SOCS2: variants seen among roughly 807,000 people sequenced by gnomAD.
The protein encoded by SOCS2 is suppressor of cytokine signaling 2, also known as CIS-2.
A neutral mutation model predicts 18.6 loss-of-function variants in SOCS2; 10 were observed. The observed-to-expected ratio is 0.54, with a 90% CI of 0.33 to 0.91. The LOEUF (loss-of-function observed/expected upper bound fraction) is 0.91. Ranked by LOEUF, SOCS2 falls within the 40% of genes least tolerant of loss-of-function variation. The pLI is 0.02. For synonymous variants in SOCS2, 104 were observed against 104.0 expected, an observed-to-expected ratio of 1.00 and a Z score of 0.00; for missense variants, 231 against 247.2, an observed-to-expected ratio of 0.93 and a Z score of 0.44.
intron 1 of SOCS2, chr12:93,573,338 G>T (rs1954330910): frequency 4.0e-6 from 2 of 500,316 alleles, no homozygotes; most frequent in Non-Finnish European, 3.5e-6. Context: ...TCCCGGGCTC[G>T]AACCCCGGCC....
chr12:93,586,855 G>T (rs758912208), downstream of SOCS2, among the ~76,000 whole-genome samples: 1 of 152,058 alleles, frequency 6.6e-6, no homozygotes, highest in South Asian at 2.1e-4. Context: ...ATGAAGCAAG[G>T]TTCTGAGGAA....
chr12:93,572,851 C>A lies in SOCS2; in HGVS notation c.-47C>A. ...AGGAAGGACGCGAACCCTTCTCTGACCCCAGCTCGGGCGGCCACCTGTCTT... is the reference window on the plus strand; with the variant it reads ...AGGAAGGACGCGAACCCTTCTCTGAACCCAGCTCGGGCGGCCACCTGTCTT... On this transcript the variant is annotated 5_prime_UTR_variant, in exon 1 of 2. Coordinates refer to ENST00000551556, the MANE Select transcript of SOCS2 (RefSeq NM_001270471.2). This position sits in a 1 kb window ranked among gnomAD's most constrained non-coding sequence, Gnocchi z 5.0. 2 of 1,556,098 alleles carry A rather than the reference C, an allele frequency of 1.3e-6. No individual in the cohort carries two copies. The highest frequency in any genetic ancestry group is 1.7e-6 in the Non-Finnish European group (2 of 1,149,446).
downstream of SOCS2, among the ~76,000 whole-genome samples, chr12:93,580,632 A>T (rs1954525645): frequency 6.6e-6 from 1 of 151,650 alleles, no homozygotes; most frequent in African/African-American, 2.4e-5. Flanking sequence ...AAAAAAAAAA[A>T]AAAAAAAAGA....
chr12:93,579,291 G>T (rs1003251743), downstream of SOCS2, among the ~76,000 whole-genome samples: 2 of 152,120 alleles, frequency 1.3e-5, no homozygotes, highest in South Asian at 2.1e-4. Flanking sequence ...CTTTCTGGCC[G>T]CATGATACTC....
chr12:93,593,817 C>T, the SOCS2 span, among the ~76,000 whole-genome samples: 1 of 152,134 alleles, frequency 6.6e-6, no homozygotes, highest in Non-Finnish European at 1.5e-5. Flanking sequence ...TCAAACCGAA[C>T]CACGCTAAAA....
At chr12:93,597,137 A>T in the SOCS2 span, among the ~76,000 whole-genome samples, 1 of 152,164 alleles carries the variant, frequency 6.6e-6, no homozygotes, top group African/African-American at 2.4e-5. Flanking sequence ...CAGAAAACTG[A>T]TCTTGGTATA....
At chr12:93,573,231 G>T in intron 1 of SOCS2, 195 bp downstream of exon 1, 1 of 685,058 alleles carries the variant, frequency 1.5e-6, no homozygotes. Flanking sequence ...CAGGGACTCA[G>T]GCCTGGCGGA....
the SOCS2 span, among the ~76,000 whole-genome samples, chr12:93,601,002 G>C: frequency 6.6e-6 from 1 of 151,490 alleles, no homozygotes; most frequent in Non-Finnish European, 1.5e-5. Flanking sequence ...AATTGCCCAA[G>C]CTGGCCTTGA....
intron 1 of SOCS2, 51 bp from the exon 2 acceptor site, chr12:93,574,671 A>G (rs755175668): frequency 1.3e-5 from 17 of 1,311,454 alleles, no homozygotes; most frequent in Non-Finnish European, 1.8e-5. Context: ...AAGAATTCTT[A>G]TAATAACTGT....
chr12:93,618,794 C>G, the SOCS2 span, among the ~76,000 whole-genome samples: 1 of 152,102 alleles, frequency 6.6e-6, no homozygotes, highest in Non-Finnish European at 1.5e-5. Context: ...GGTTGTTTAC[C>G]AGAACATAAG....
At chr12:93,573,953 A>C (rs1188568351) in intron 1 of SOCS2, 1 of 152,302 alleles carries the variant, frequency 6.6e-6, no homozygotes, top group Non-Finnish European at 1.5e-5. Context: ...TGGTGCAGGC[A>C]GATGAAATCA....
chr12:93,610,246 A>G, the SOCS2 span, among the ~76,000 whole-genome samples: 1 of 152,242 alleles, frequency 6.6e-6, no homozygotes, highest in Admixed American at 6.5e-5. Flanking sequence ...CAACCAAGTC[A>G]TCTCAGATTG....
At chr12:93,619,925 TTATAGCAACTGTTATA>T in the SOCS2 span, among the ~76,000 whole-genome samples, 1 of 152,228 alleles carries the variant, frequency 6.6e-6, no homozygotes, top group Non-Finnish European at 1.5e-5. Context: ...CTTCTGGATA[TTATAGCAACTGTTATA>T]TATCTTCACG....
the SOCS2 span, among the ~76,000 whole-genome samples, chr12:93,613,129 G>A: frequency 6.6e-6 from 1 of 152,192 alleles, no homozygotes; most frequent in East Asian, 1.9e-4. Flanking sequence ...AAGGAACAGA[G>A]GAAGCCAATA....
Position 93,575,458 on chromosome 12 carries a change from G to T in SOCS2, c.*279G>T, listed in dbSNP as rs184818381. 1 of 188,670 alleles carries T rather than the reference G, an allele frequency of 5.3e-6. No homozygotes were observed. Among genetic ancestry groups the T allele is most frequent in the Non-Finnish European group, 1.1e-5 (1 of 91,030 alleles). 11.7% of individuals were successfully genotyped at this position (188,670 alleles called of 1,614,324 possible). On this transcript the variant is annotated 3_prime_UTR_variant, in exon 2 of 2. Coordinates refer to ENST00000551556, the MANE Select transcript of SOCS2 (RefSeq NM_001270471.2). ...AATGTCGCATGTAAAGGCTGAAGTCGCGTTTTATCAGAATGCCTTGCCTTC... is the reference window on the plus strand; with the variant it reads ...AATGTCGCATGTAAAGGCTGAAGTCTCGTTTTATCAGAATGCCTTGCCTTC...
At chr12:93,599,171 CTT>C in the SOCS2 span, among the ~76,000 whole-genome samples, 23 of 122,292 alleles carry the variant, frequency 1.9e-4, no homozygotes, top group Middle Eastern at 4.3e-3. Flanking sequence ...TGCTGTTTGT[CTT>C]TTTTTTTTTT....
chr12:93,610,825 A>G, the SOCS2 span, among the ~76,000 whole-genome samples: 1 of 152,072 alleles, frequency 6.6e-6, no homozygotes, highest in African/African-American at 2.4e-5. Context: ...TTAATCTTGG[A>G]CTTCTCAGCC....
At chr12:93,606,095 G>A in the SOCS2 span, among the ~76,000 whole-genome samples, 2 of 152,072 alleles carry the variant, frequency 1.3e-5, no homozygotes, top group Admixed American at 6.6e-5. Context: ...CTAGAGTATC[G>A]CCCTTTTACT....
At chr12:93,589,804 A>T in the SOCS2 span, among the ~76,000 whole-genome samples, 1 of 152,356 alleles carries the variant, frequency 6.6e-6, no homozygotes, top group African/African-American at 2.4e-5. Flanking sequence ...AGACGTTTCC[A>T]AGTTGATTTG....
Sources: gnomAD v4.1 joint callset for allele counts (sites outside exome capture counted in the v4.1 genomes callset) on GRCh38, gnomAD v4.1.1 for gene constraint, Gnocchi (gnomAD v3.1) non-coding constraint, MANE v1.5 for transcripts, NCBI Gene and HGNC (gene_info 2026-07-23, HGNC 2026-07-21) for gene names.